AZIN2: variants seen among roughly 807,000 people sequenced by gnomAD.
The protein encoded by AZIN2 is antizyme inhibitor 2.
A neutral mutation model predicts 47.8 loss-of-function variants in AZIN2; 28 were observed. The observed-to-expected ratio is 0.59, with a 90% CI of 0.43 to 0.80. The LOEUF (loss-of-function observed/expected upper bound fraction) is 0.80. Among genes scored for constraint, AZIN2 ranks in the 30% least tolerant of loss-of-function variants. AZIN2 has a pLI of 0.00. For missense variants in AZIN2, 535 were observed against 582.5 expected (o/e 0.92, Z 0.84); for synonymous variants, 221 against 239.4 (o/e 0.92, Z 0.71).
the AZIN2 span, among the ~76,000 whole-genome samples, chr1:33,136,997 C>CAAA: frequency 3.3e-4 from 40 of 119,468 alleles, no homozygotes; most frequent in East Asian, 6.4e-3. Context: ...ACTCAGTCTC[C>CAAA]AAAAAAAAAA....
the AZIN2 span, among the ~76,000 whole-genome samples, chr1:33,150,955 TGGGTGATTTGAGA>T: frequency 6.6e-6 from 1 of 152,050 alleles, no homozygotes; most frequent in East Asian, 1.9e-4. Flanking sequence ...CTAAGGCGCC[TGGGTGATTTGAGA>T]CCAGCAACAG....
Position 33,122,942 on chromosome 1 carries a change from T to C in AZIN2, c.*2760T>C, listed in dbSNP as rs1227065642. On this transcript the variant is annotated 3_prime_UTR_variant, in exon 12 of 12. Transcript: ENST00000294517. ...CTCAGCAGCCAGATGCCGTACCTCC[T>C]GGGATTCCGTTTCACCAAGAATGAA... Among the ~76,000 whole-genome samples the C allele has an allele frequency of 1.3e-5, 2 of 152,198 alleles. No homozygotes were observed. The highest frequency in any genetic ancestry group is 2.9e-5 in the Non-Finnish European group (2 of 68,014).
the AZIN2 span, among the ~76,000 whole-genome samples, chr1:33,155,389 T>G: frequency 1.3e-5 from 2 of 152,070 alleles, no homozygotes; most frequent in Admixed American, 1.3e-4. Context: ...CTCTTGAACG[T>G]GCCTTGAGGG....
chr1:33,110,267 G>A (rs1469350211), intron 10 of AZIN2, among the ~76,000 whole-genome samples: 1 of 152,164 alleles, frequency 6.6e-6, no homozygotes, highest in East Asian at 1.9e-4. Flanking sequence ...ATTTCATCTA[G>A]CAGAAGCAAA....
chr1:33,157,079 A>T, the AZIN2 span, among the ~76,000 whole-genome samples: 1 of 151,332 alleles, frequency 6.6e-6, no homozygotes, highest in African/African-American at 2.4e-5. Context: ...TCCTTAAAAA[A>T]CTTAAACCAG....
At chr1:33,153,361 T>C in the AZIN2 span, among the ~76,000 whole-genome samples, 2 of 152,332 alleles carry the variant, frequency 1.3e-5, no homozygotes, top group East Asian at 3.9e-4. Context: ...CTCCCTCAGC[T>C]CCTCTCTGGC....
rs780211190 is a variant in AZIN2 at position 33,121,500 on chromosome 1, C to T, written c.*1318C>T. Among the ~76,000 whole-genome samples, 3 of 152,086 alleles carry T rather than the reference C, an allele frequency of 2.0e-5. No homozygotes were observed. The highest frequency in any genetic ancestry group is 4.8e-5 in the African/African-American group (2 of 41,390). On this transcript the variant is annotated 3_prime_UTR_variant, in exon 12 of 12. Coordinates refer to ENST00000294517, the MANE Select transcript of AZIN2 (RefSeq NM_052998.4). ...ATCACTTGAACAGGGAGGTGGAGGT[C>T]GCAGTGAGCCGAGGTTGCAGTGAGC...
At chr1:33,109,117 A>G (rs1644162784) in intron 10 of AZIN2, among the ~76,000 whole-genome samples, 1 of 152,124 alleles carries the variant, frequency 6.6e-6, no homozygotes, top group Admixed American at 6.5e-5. Context: ...CCCTGATGAC[A>G]TATGTTTATT....
At chr1:33,091,953 A>G (rs1224998979) in intron 5 of AZIN2, 97 bp from the exon 6 acceptor site, 9 of 1,324,850 alleles carry the variant, frequency 6.8e-6, no homozygotes, top group Admixed American at 6.3e-5. Flanking sequence ...GGGCCTCCCT[A>G]TGCATAGCTA....
the AZIN2 span, chr1:33,165,531 G>A: frequency 4.3e-6 from 7 of 1,611,046 alleles, no homozygotes; most frequent in Non-Finnish European, 5.1e-6. The surrounding 1 kb of genome is among the most constrained non-coding windows in gnomAD (Gnocchi z 4.0). Context: ...CCCGCTCGCT[G>A]TCTTGAAGGG....
chr1:33,136,759 G>T, the AZIN2 span, among the ~76,000 whole-genome samples: 1 of 151,730 alleles, frequency 6.6e-6, no homozygotes, highest in Non-Finnish European at 1.5e-5. Flanking sequence ...CAGCACTTTG[G>T]GAGGCCGAGG....
chr1:33,104,931 T>C (rs540998510), intron 10 of AZIN2, among the ~76,000 whole-genome samples: 2 of 152,322 alleles, frequency 1.3e-5, no homozygotes, highest in East Asian at 3.9e-4. Flanking sequence ...GCTCCTTGTT[T>C]TGTTCAAGCA....
chr1:33,148,334 A>G, the AZIN2 span, among the ~76,000 whole-genome samples: 3 of 152,234 alleles, frequency 2.0e-5, no homozygotes, highest in South Asian at 2.1e-4. Context: ...ATGTATAAAC[A>G]TGAAATTTTT....
intron 4 of AZIN2, chr1:33,083,589 C>A: frequency 2.9e-6 from 1 of 340,528 alleles, no homozygotes; most frequent in Non-Finnish European, 5.7e-6. Context: ...AGCAGAGTTG[C>A]CTTATTGGTT....
chr1:33,155,458 C>A, the AZIN2 span, among the ~76,000 whole-genome samples: 1 of 151,992 alleles, frequency 6.6e-6, no homozygotes. Flanking sequence ...AACTCTGACC[C>A]CTGTGTGACC....
At chr1:33,088,908 G>A (rs554732370) in intron 5 of AZIN2, among the ~76,000 whole-genome samples, 17 of 152,186 alleles carry the variant, frequency 1.1e-4, no homozygotes, top group African/African-American at 3.9e-4. Context: ...ATTATTCAGC[G>A]CTCATTTGGG....
the AZIN2 span, chr1:33,141,760 T>C: frequency 1.2e-5 from 2 of 167,214 alleles, no homozygotes; most frequent in African/African-American, 4.8e-5. Context: ...GATAGGTTGA[T>C]AGGTGCAGCA....
chr1:33,083,919 TG>T, intron 4 of AZIN2, 34 bp from the exon 5 acceptor site: 1 of 1,612,934 alleles, frequency 6.2e-7, no homozygotes, highest in Non-Finnish European at 8.5e-7. Context: ...GCGAGCTGGA[TG>T]GGGTCTCACA....
rs906188197 is a variant in AZIN2 at position 33,122,829 on chromosome 1, T to C, written c.*2647T>C. On this transcript the variant is annotated 3_prime_UTR_variant, in exon 12 of 12. Transcript: ENST00000294517. ...ACACTCACTCTCTCTCATTCTCTCC[T>C]TCAAGGAGTTAACAGATCTGAGCTT... Among the ~76,000 whole-genome samples, 3 of 152,190 alleles carry C rather than the reference T, an allele frequency of 2.0e-5. No individual in the cohort carries two copies. Among genetic ancestry groups the C allele is most frequent in the African/African-American group, 4.8e-5 (2 of 41,436 alleles).
Sources: gnomAD v4.1 joint callset for allele counts (sites outside exome capture counted in the v4.1 genomes callset) on GRCh38, gnomAD v4.1.1 for gene constraint, Gnocchi (gnomAD v3.1) non-coding constraint, MANE v1.5 for transcripts, NCBI Gene and HGNC (gene_info 2026-07-23, HGNC 2026-07-21) for gene names.